SIPA1L2: variants seen among roughly 807,000 people sequenced by gnomAD.
SIPA1L2 encodes signal induced proliferation associated 1 like 2.
In SIPA1L2, 56 loss-of-function variants were observed where a neutral mutation model predicts 163.9. That is an observed-to-expected ratio of 0.34 (90% CI 0.28 to 0.43). SIPA1L2 has a LOEUF of 0.43. Ranked by LOEUF, SIPA1L2 falls within the 20% of genes least tolerant of loss-of-function variation. The pLI is 1.00. For synonymous variants in SIPA1L2, 877 were observed against 865.7 expected (o/e 1.01, Z -0.23); for missense variants, 1,974 against 2,193.5 (o/e 0.90, Z 2.00).
In SIPA1L2 at chr1:232,496,194, T is replaced by C. The variant is rs569098511; in HGVS notation, c.1484-2534A>G. ...CAGGTGTACCACTTTTGATCTTTCA[T>C]ACAGTATTTTTACTATACCTTTTCT... is the stretch of plus-strand genomic sequence containing the variant. On this transcript the variant is annotated intron_variant, in intron 3 of 22. Transcript: ENST00000674635. Among the ~76,000 whole-genome samples, 389 of 152,276 alleles carry C rather than the reference T, an allele frequency of 2.6e-3. 2 individuals carry two copies. Among genetic ancestry groups the C allele is most frequent in the Non-Finnish European group, 4.4e-3 (301 of 68,034 alleles).
chr1:232,538,824 G>A (rs1657469095), intron 2 of SIPA1L2, among the ~76,000 whole-genome samples: 1 of 152,142 alleles, frequency 6.6e-6, no homozygotes, highest in South Asian at 2.1e-4. Context: ...ATGTGACAGT[G>A]GGTGGGTGAG....
chr1:232,544,996 C>A (rs1279676483), intron 2 of SIPA1L2, among the ~76,000 whole-genome samples: 1 of 152,210 alleles, frequency 6.6e-6, no homozygotes, highest in Admixed American at 6.5e-5. Flanking sequence ...AGTGACACAA[C>A]TGTCTGCTCA....
chr1:232,527,913 A>G (rs1376204063), intron 2 of SIPA1L2, among the ~76,000 whole-genome samples: 3 of 150,156 alleles, frequency 2.0e-5, no homozygotes, highest in Non-Finnish European at 4.4e-5. Flanking sequence ...TTAATTAAAA[A>G]TCCCATTTTC....
intron 1 of SIPA1L2, among the ~76,000 whole-genome samples, chr1:232,627,892 T>C (rs1187077472): frequency 1.3e-5 from 2 of 152,222 alleles, no homozygotes; most frequent in African/African-American, 2.4e-5. Context: ...TGATTTCATT[T>C]CCTACTTCCC....
intron 1 of SIPA1L2, among the ~76,000 whole-genome samples, chr1:232,629,311 G>A (rs1044200352): frequency 6.6e-6 from 1 of 152,244 alleles, no homozygotes; most frequent in African/African-American, 2.4e-5. Context: ...GACCCGGAGA[G>A]GCCCAGGAGC....
intron 16 of SIPA1L2, among the ~76,000 whole-genome samples, chr1:232,431,948 G>GGT (rs1662268568): frequency 6.6e-6 from 1 of 152,094 alleles, no homozygotes; most frequent in Non-Finnish European, 1.5e-5. Context: ...CCTTTGACCT[G>GGT]GTGTATTTAT....
intron 1 of SIPA1L2, among the ~76,000 whole-genome samples, chr1:232,607,002 A>G (rs1661957861): frequency 6.6e-6 from 1 of 152,080 alleles, no homozygotes; most frequent in Admixed American, 6.5e-5. Context: ...ATACAATTAA[A>G]AGAAAATAAA....
chr1:232,624,087 T>C lies in SIPA1L2; in HGVS notation c.-319+5782A>G, dbSNP rs547373091. ...TATATGTTTATACATACAGATATAT[T>C]ATACATATACACACACACAAACGTG... is the stretch of plus-strand genomic sequence containing the variant. On this transcript the variant is annotated intron_variant, in intron 1 of 22. Transcript: ENST00000674635. 3.1e-4 allele frequency among the ~76,000 whole-genome samples: 47 copies of C among 152,290 alleles called. No homozygotes were observed. The South Asian group carries it at 9.7e-3, about 32-fold the overall frequency.
At chr1:232,530,928 A>G (rs1415294627) in intron 2 of SIPA1L2, among the ~76,000 whole-genome samples, 1 of 152,236 alleles carries the variant, frequency 6.6e-6, no homozygotes, top group Non-Finnish European at 1.5e-5. Flanking sequence ...AAGGTTCTTT[A>G]GTTTTGAAGA....
At chr1:232,444,726 A>G (rs1289657887) in intron 11 of SIPA1L2, among the ~76,000 whole-genome samples, 1 of 152,202 alleles carries the variant, frequency 6.6e-6, no homozygotes, top group South Asian at 2.1e-4. Context: ...AGATGAAGAA[A>G]CTGGAGGTTC....
chr1:232,591,039 G>A (rs1215743628), intron 1 of SIPA1L2, among the ~76,000 whole-genome samples: 1 of 152,244 alleles, frequency 6.6e-6, no homozygotes. Context: ...TTCAAGGTGT[G>A]TGCCCATTTT....
rs1438208574 is a variant in SIPA1L2 at position 232,629,936 on chromosome 1, C to A, written c.-386G>T. Among the ~76,000 whole-genome samples the A allele has an allele frequency of 6.6e-6, 1 of 150,670 alleles. No homozygotes were observed. The highest frequency in any genetic ancestry group is 2.0e-4 in the East Asian group (1 of 5,128). On this transcript the variant is annotated 5_prime_UTR_variant, in exon 1 of 23. Transcript: ENST00000674635. ...GCCGGGCGGCGCGTACCCGGGCTGC[C>A]GCCTCGCCGCCCGCCGCTGCCCGGG...
intron 15 of SIPA1L2, among the ~76,000 whole-genome samples, chr1:232,435,065 CGT>C (rs1662474198): frequency 6.6e-6 from 1 of 152,084 alleles, no homozygotes; most frequent in Non-Finnish European, 1.5e-5. Context: ...TTCCACTACC[CGT>C]GTGTCTCATG....
chr1:232,623,480 C>T (rs1662922394), intron 1 of SIPA1L2, among the ~76,000 whole-genome samples: 1 of 152,108 alleles, frequency 6.6e-6, no homozygotes, highest in Non-Finnish European at 1.5e-5. Context: ...TGGTGGCAGG[C>T]ACCTGTAGTC....
chr1:232,445,799 G>A lies in SIPA1L2; in HGVS notation c.3096-13C>T, dbSNP rs1273474501. The A allele has an allele frequency of 6.2e-7, 1 of 1,609,240 alleles. No individual in the cohort carries two copies. Among genetic ancestry groups the A allele is most frequent in the South Asian group, 1.1e-5 (1 of 90,432 alleles). ...CTCTGAACACCCTCTGTTGGGCCAA[G>A]AAGAAATGGTGAGAAGGGAAGCTCT... On this transcript the variant is annotated splice_polypyrimidine_tract_variant and intron_variant, in intron 10 of 22. Coordinates refer to ENST00000674635, the MANE Select transcript of SIPA1L2 (RefSeq NM_020808.5).
intron 3 of SIPA1L2, among the ~76,000 whole-genome samples, chr1:232,495,760 TGTCTA>T (rs571181195): frequency 2.0e-3 from 294 of 150,014 alleles, no homozygotes; most frequent in Non-Finnish European, 3.8e-3. Flanking sequence ...AAACTACTAT[TGTCTA>T]GTGATGTTAC....
intron 5 of SIPA1L2, among the ~76,000 whole-genome samples, chr1:232,485,037 T>C (rs1362544887): frequency 1.3e-5 from 2 of 152,220 alleles, no homozygotes; most frequent in Non-Finnish European, 2.9e-5. Context: ...CAACATACTA[T>C]GCAAGAAAGG....
chr1:232,514,565 A>G lies in SIPA1L2; in HGVS notation c.775T>C (p.Ser259Pro). Residue 259 changes from serine (S) to proline (P), a missense_variant, in exon 3 of 23, where the codon TCA becomes CCA. By Grantham distance (74) the Ser-to-Pro change is moderately conservative. Coordinates refer to ENST00000674635, the MANE Select transcript of SIPA1L2 (RefSeq NM_020808.5). ...QISRGEFVRI[S>P]GLDYVDSALL... ...GCACTGTCCACATAATCTAATCCTG[A>G]GATGCGGACAAATTCTCCCCTAGAA... The G allele has an allele frequency of 6.2e-7, 1 of 1,614,178 alleles. No homozygotes were observed. Among genetic ancestry groups the G allele is most frequent in the Non-Finnish European group, 8.5e-7 (1 of 1,180,028 alleles).
At chr1:232,455,623 GCGAGGCGGAGC>G (rs1210441037) in intron 10 of SIPA1L2, among the ~76,000 whole-genome samples, 1,501 of 74,792 alleles carry the variant, frequency 0.02, 29 homozygotes, top group African/African-American at 0.081. Context: ...GGAGCTTGCA[GCGAGGCGGAGC>G]TTGCAGCGAG....
Sources: gnomAD v4.1 joint callset for allele counts (sites outside exome capture counted in the v4.1 genomes callset) on GRCh38, gnomAD v4.1.1 for gene constraint, MANE v1.5 for transcripts, NCBI Gene and HGNC (gene_info 2026-07-23, HGNC 2026-07-21) for gene names.